DTNB: variants seen among roughly 807,000 people sequenced by gnomAD.
The protein encoded by DTNB is dystrobrevin beta.
In DTNB, 63 loss-of-function variants were observed where a neutral mutation model predicts 90.7. The observed-to-expected ratio is 0.69, with a 90% confidence interval of 0.57 to 0.86. The LOEUF (loss-of-function observed/expected upper bound fraction) is 0.86. Ranked by LOEUF, DTNB falls within the 40% of genes least tolerant of loss-of-function variation. The pLI, the probability that DTNB is intolerant of heterozygous loss-of-function variation, is 0.00. For synonymous variants in DTNB, 277 were observed against 286.7 expected (o/e 0.97, Z 0.34); for missense variants, 744 against 807.1 (o/e 0.92, Z 0.95).
chr2:25,513,245 T>G (rs1477846660), intron 9 of DTNB, among the ~76,000 whole-genome samples: 2 of 152,218 alleles, frequency 1.3e-5, no homozygotes, highest in African/African-American at 2.4e-5. Flanking sequence ...GCTCAATGTC[T>G]GCATGAAATT....
chr2:25,670,072 A>G (rs867499266), intron 1 of DTNB, among the ~76,000 whole-genome samples: 29 of 152,310 alleles, frequency 1.9e-4, no homozygotes, highest in Admixed American at 9.8e-4. Context: ...CCTTAATGAG[A>G]ATACTAAATA....
Position 25,626,739 on chromosome 2 carries a change from TCA to T in DTNB, c.362+1430_362+1431del, listed in dbSNP as rs1162904356. Among the ~76,000 whole-genome samples, 15 of 152,396 alleles carry T rather than the reference TCA, an allele frequency of 9.8e-5. 1 individual carries two copies. In the South Asian group the frequency reaches 2.7e-3, roughly 27 times the overall value. Reference sequence around the variant, plus strand: ...ACATTTCCATAGTGTTACCACTAATTCACAGACTCCTCCCTATTATAAGATAT... The same window carrying T: ...ACATTTCCATAGTGTTACCACTAATTCAGACTCCTCCCTATTATAAGATAT... On this transcript the variant is annotated intron_variant, in intron 4 of 20. Coordinates refer to ENST00000406818, the MANE Select transcript of DTNB (RefSeq NM_021907.5).
Position 25,633,105 on chromosome 2 carries a change from C to G in DTNB, c.149-4721G>C, listed in dbSNP as rs549332308. ...CAATTGCTAGAAATAAGATCAAGAT[C>G]AAGATCACTGTATTTCTGTACATCA... On this transcript the variant is annotated intron_variant, in intron 3 of 20. Coordinates refer to ENST00000406818, the MANE Select transcript of DTNB (RefSeq NM_021907.5). 2.0e-5 allele frequency among the ~76,000 whole-genome samples: 3 copies of G among 152,308 alleles called. No homozygotes were observed. The East Asian group carries it at 5.8e-4, about 29-fold the overall frequency.
At chr2:25,439,034 A>G (rs1247114779) in intron 12 of DTNB, among the ~76,000 whole-genome samples, 2 of 152,238 alleles carry the variant, frequency 1.3e-5, no homozygotes, top group East Asian at 3.8e-4. Flanking sequence ...GTCACAGCTA[A>G]GAGGAGCCTA....
chr2:25,582,319 A>G (rs2061678537), intron 6 of DTNB, among the ~76,000 whole-genome samples: 1 of 152,222 alleles, frequency 6.6e-6, no homozygotes, highest in African/African-American at 2.4e-5. Context: ...TTCCTGTCTC[A>G]TAAGGCTCAA....
At position 25,580,715 on chromosome 2, in the gene DTNB, G is replaced by A. The variant is rs756600273; in HGVS notation, c.709+6C>T. The A allele has an allele frequency of 1.7e-5, 28 of 1,612,170 alleles. No individual in the cohort carries two copies. Among genetic ancestry groups the A allele is most frequent in the Non-Finnish European group, 2.4e-5 (28 of 1,178,382 alleles). ...TGCGGAATTGAACAATAAAAGTTCTGCTTACCATTCTCAACATGGGCAAGC... is the reference window on the plus strand; with the variant it reads ...TGCGGAATTGAACAATAAAAGTTCTACTTACCATTCTCAACATGGGCAAGC... On this transcript the variant is annotated splice_donor_region_variant and intron_variant, in intron 7 of 20. Transcript: ENST00000406818.
At chr2:25,565,628 G>A (rs2058916285) in intron 8 of DTNB, among the ~76,000 whole-genome samples, 1 of 151,626 alleles carries the variant, frequency 6.6e-6, no homozygotes, top group African/African-American at 2.4e-5. Flanking sequence ...TTTTTATCGT[G>A]ACAGAATTTT....
At chr2:25,567,991 T>G (rs1438843192) in intron 8 of DTNB, among the ~76,000 whole-genome samples, 1 of 152,058 alleles carries the variant, frequency 6.6e-6, no homozygotes, top group Admixed American at 6.5e-5. Context: ...AAACCGCATC[T>G]CTACTAAAAA....
chr2:25,583,548 C>T (rs1378213077), intron 6 of DTNB, among the ~76,000 whole-genome samples: 10 of 151,428 alleles, frequency 6.6e-5, no homozygotes, highest in African/African-American at 2.2e-4. Flanking sequence ...GACAGAGTCT[C>T]GCTCTGTTGC....
chr2:25,426,175 T>A (rs1558472333), intron 15 of DTNB, among the ~76,000 whole-genome samples: 1 of 152,238 alleles, frequency 6.6e-6, no homozygotes, highest in Non-Finnish European at 1.5e-5. Context: ...TTTTTATGTG[T>A]CAACTTTACC....
chr2:25,540,024 TAAC>T (rs1013361030), intron 8 of DTNB, among the ~76,000 whole-genome samples: 3 of 152,216 alleles, frequency 2.0e-5, no homozygotes, highest in African/African-American at 7.2e-5. Flanking sequence ...TTTGCTCCTA[TAAC>T]AACACCAGTG....
intron 16 of DTNB, among the ~76,000 whole-genome samples, chr2:25,392,612 A>T (rs1413520858): frequency 6.6e-6 from 1 of 152,200 alleles, no homozygotes; most frequent in African/African-American, 2.4e-5. Context: ...GTTACCATGA[A>T]CACCTTTACA....
Position 25,456,906 on chromosome 2 carries a change from G to A in DTNB, c.1080-1412C>T, listed in dbSNP as rs534693979. Among the ~76,000 whole-genome samples, 8 of 152,092 alleles carry A rather than the reference G, an allele frequency of 5.3e-5. No homozygotes were observed. The South Asian group carries it at 6.2e-4, about 12-fold the overall frequency. On this transcript the variant is annotated intron_variant, in intron 10 of 20. Transcript: ENST00000406818. ...TGAAGCTCAAACTCTCCTACCTTTG[G>A]CCAGTGGGAGCTCCTGTAATAGGCT...
At chr2:25,483,237 A>C (rs1044438861) in intron 9 of DTNB, among the ~76,000 whole-genome samples, 8 of 152,226 alleles carry the variant, frequency 5.3e-5, no homozygotes, top group African/African-American at 1.9e-4. Flanking sequence ...GTTTTAGTAC[A>C]TAAGAATTTA....
intron 8 of DTNB, among the ~76,000 whole-genome samples, chr2:25,558,734 C>G (rs988838404): frequency 4.6e-5 from 7 of 152,204 alleles, no homozygotes; most frequent in African/African-American, 1.7e-4. Context: ...ATGCAAACAA[C>G]ACAGTAGAAT....
At chr2:25,608,658 T>G (rs889091745) in intron 4 of DTNB, among the ~76,000 whole-genome samples, 1 of 152,250 alleles carries the variant, frequency 6.6e-6, no homozygotes, top group African/African-American at 2.4e-5. Flanking sequence ...TTTCTAAGAC[T>G]GATACAGAGC....
At chr2:25,554,678 G>A (rs1002840300) in intron 8 of DTNB, among the ~76,000 whole-genome samples, 1 of 152,128 alleles carries the variant, frequency 6.6e-6, no homozygotes, top group South Asian at 2.1e-4. Flanking sequence ...TCAATCAATA[G>A]GAGGATAACA....
intron 6 of DTNB, among the ~76,000 whole-genome samples, chr2:25,581,747 CT>C (rs1267886822): frequency 6.6e-6 from 1 of 152,174 alleles, no homozygotes; most frequent in Non-Finnish European, 1.5e-5. Flanking sequence ...ACCTTTCCAG[CT>C]CCAAAGAAAA....
chr2:25,559,711 GACA>G (rs2057959945), intron 8 of DTNB, among the ~76,000 whole-genome samples: 2 of 152,172 alleles, frequency 1.3e-5, no homozygotes, highest in Non-Finnish European at 2.9e-5. Flanking sequence ...TACCTTCTAT[GACA>G]AAATTAACTT....
Sources: allele counts gnomAD v4.1 joint callset (sites outside exome capture counted in the v4.1 genomes callset), GRCh38; gene constraint gnomAD v4.1.1; transcripts MANE v1.5; gene names NCBI Gene and HGNC (gene_info 2026-07-23, HGNC 2026-07-21).